Variants in GRIP1 observed in about 807,000 individuals in gnomAD.
The protein encoded by GRIP1 is glutamate receptor-interacting protein 1.
In GRIP1, 45 loss-of-function variants were observed where a neutral mutation model predicts 129.9. That is an observed-to-expected ratio of 0.35 (90% confidence interval 0.27 to 0.44). The LOEUF (loss-of-function observed/expected upper bound fraction) is 0.44, where lower values mean the gene tolerates loss of function less well. GRIP1 is among the 20% of genes least tolerant of loss of function. The probability of loss-of-function intolerance (pLI) is 1.00; values close to 1 mark genes in which losing one functional copy is unlikely to be tolerated. For missense variants in GRIP1, 1,196 were observed against 1,396.8 expected, an observed-to-expected ratio of 0.86 and a Z score of 2.29; for synonymous variants, 530 against 520.8, an observed-to-expected ratio of 1.02 and a Z score of -0.24.
intron 7 of GRIP1, among the ~76,000 whole-genome samples, chr12:66,477,922 A>G (rs1053242442): frequency 8.5e-5 from 13 of 152,068 alleles, no homozygotes; most frequent in African/African-American, 3.1e-4. Flanking sequence ...AACCATAAAA[A>G]CCCTAGAAGA....
Position 66,738,383 on chromosome 12 carries a change from C to G in GRIP1, c.-420+65670G>C, listed in dbSNP as rs1443162614. On this transcript the variant is annotated intron_variant, in intron 1 of 4. Transcript: ENST00000538373. ...CACAGGTACCCGCCACCACGCCCGA[C>G]TAATTTTTTGTATTTTTTTAGTAGA... is the stretch of plus-strand genomic sequence containing the variant. Among the ~76,000 whole-genome samples, 5 of 151,948 alleles carry G rather than the reference C, an allele frequency of 3.3e-5. No homozygotes were observed. In the East Asian group the frequency reaches 9.7e-4, roughly 30 times the overall value.
chr12:66,425,018 TCTCA>T (rs2057935076), intron 14 of GRIP1, among the ~76,000 whole-genome samples: 2 of 152,238 alleles, frequency 1.3e-5, no homozygotes, highest in Admixed American at 6.5e-5. Context: ...CTTTACTTTC[TCTCA>T]CTCTTGGTGG....
intron 7 of GRIP1, among the ~76,000 whole-genome samples, chr12:66,472,523 T>C (rs1314756246): frequency 6.6e-6 from 1 of 152,222 alleles, no homozygotes; most frequent in Non-Finnish European, 1.5e-5. Context: ...TTGAGTTATC[T>C]GGTGGCTGGC....
At chr12:66,456,423 T>C in intron 9 of GRIP1, 81 bp from the exon 10 acceptor site, 1 of 667,106 alleles carries the variant, frequency 1.5e-6, no homozygotes, top group South Asian at 1.7e-5. Flanking sequence ...AATAACTGAA[T>C]TGCCCAAATT....
At chr12:66,742,638 A>T (rs932936032) in intron 1 of GRIP1, among the ~76,000 whole-genome samples, 1 of 146,546 alleles carries the variant, frequency 6.8e-6, no homozygotes, top group Non-Finnish European at 1.5e-5. Context: ...GAAAAATGTT[A>T]AAAAAAAAAG....
intron 13 of GRIP1, among the ~76,000 whole-genome samples, chr12:66,432,855 T>C (rs937727678): frequency 2.0e-5 from 3 of 152,212 alleles, no homozygotes; most frequent in African/African-American, 7.2e-5. Context: ...TTGAGTTCAG[T>C]ATTTCTCAAG....
chr12:66,972,127 T>C (rs2042084436), intron 1 of GRIP1, among the ~76,000 whole-genome samples: 1 of 152,192 alleles, frequency 6.6e-6, no homozygotes. Flanking sequence ...TGGGCAAAAC[T>C]GTCTGACTCT....
intron 1 of GRIP1, among the ~76,000 whole-genome samples, chr12:66,741,786 T>C (rs1038955696): frequency 6.6e-6 from 1 of 152,208 alleles, no homozygotes; most frequent in African/African-American, 2.4e-5. Flanking sequence ...CACATGCAGC[T>C]AGTGGCTATG....
rs553363997 is a variant in GRIP1 at position 66,728,042 on chromosome 12, T to TA, written c.-420+76010dup. 7.8e-4 allele frequency among the ~76,000 whole-genome samples: 119 copies of TA among 152,224 alleles called. 1 individual carries two copies. Among genetic ancestry groups the TA allele is most frequent in the African/African-American group, 2.7e-3 (114 of 41,540 alleles). ...GTTTGTAAGTGTTGATAGAATTTTA[T>TA]AAAAAAGACCAGATGCTAGAAAGAC... On this transcript the variant is annotated intron_variant, in intron 1 of 4. Transcript: ENST00000538373.
At chr12:66,824,281 T>G (rs2039371075) in intron 1 of GRIP1, among the ~76,000 whole-genome samples, 1 of 152,154 alleles carries the variant, frequency 6.6e-6, no homozygotes, top group Non-Finnish European at 1.5e-5. Context: ...AGTTACTGGT[T>G]GAAAGGTGGA....
At chr12:66,894,209 C>G (rs1323752434) in intron 1 of GRIP1, among the ~76,000 whole-genome samples, 1 of 152,204 alleles carries the variant, frequency 6.6e-6, no homozygotes, top group East Asian at 1.9e-4. Context: ...TCTGTAAGTA[C>G]CCATTGGGGT....
intron 1 of GRIP1, among the ~76,000 whole-genome samples, chr12:66,797,793 T>C (rs1333295187): frequency 1.3e-5 from 2 of 152,138 alleles, no homozygotes; most frequent in African/African-American, 4.8e-5. Context: ...ATCCTTCATG[T>C]CTGTCTCCTT....
chr12:66,590,910 T>G (rs2063828589), intron 2 of GRIP1, among the ~76,000 whole-genome samples: 1 of 152,080 alleles, frequency 6.6e-6, no homozygotes, highest in Non-Finnish European at 1.5e-5. Flanking sequence ...CTTGTTGCAC[T>G]TTTTTTTGTA....
At chr12:66,427,492 A>G (rs184770163) in intron 14 of GRIP1, among the ~76,000 whole-genome samples, 2 of 152,300 alleles carry the variant, frequency 1.3e-5, no homozygotes, top group East Asian at 1.9e-4. Context: ...TAACAACCCT[A>G]TAAGCAAGAA....
intron 2 of GRIP1, among the ~76,000 whole-genome samples, chr12:66,580,341 T>A (rs1395658017): frequency 6.8e-6 from 1 of 146,486 alleles, no homozygotes; most frequent in East Asian, 2.0e-4. Flanking sequence ...AGGAAGAAAC[T>A]GCATCAACTA....
intron 1 of GRIP1, among the ~76,000 whole-genome samples, chr12:66,602,660 G>A (rs1271362406): frequency 6.6e-6 from 1 of 152,034 alleles, no homozygotes; most frequent in Non-Finnish European, 1.5e-5. Flanking sequence ...CAGAGGCAGT[G>A]TGCTTCCCTG....
intron 1 of GRIP1, among the ~76,000 whole-genome samples, chr12:66,884,069 C>T (rs1182271604): frequency 6.6e-6 from 1 of 152,194 alleles, no homozygotes; most frequent in East Asian, 1.9e-4. Flanking sequence ...GGCATTCTGG[C>T]AACAAATTGA....
At chr12:67,019,066 T>C (rs1109345) in intron 1 of GRIP1, among the ~76,000 whole-genome samples, 66,061 of 151,938 alleles carry the variant, frequency 0.43, 15,495 homozygotes, top group East Asian at 0.77. Context: ...CAGGTTTTAA[T>C]AAGAACAACA....
chr12:66,565,840 T>G (rs1046203512), intron 2 of GRIP1, among the ~76,000 whole-genome samples: 25 of 152,124 alleles, frequency 1.6e-4, no homozygotes, highest in Admixed American at 1.3e-4. Context: ...AGGTCCTTCA[T>G]GTCCCTTGTA....
Sources: allele counts gnomAD v4.1 joint callset (sites outside exome capture counted in the v4.1 genomes callset), GRCh38; gene constraint gnomAD v4.1.1; transcripts MANE v1.5; gene names NCBI Gene and HGNC (gene_info 2026-07-23, HGNC 2026-07-21).